The following MRE11 variants were observed in gnomAD, a reference collection of about 807,000 sequenced individuals.
The protein encoded by MRE11 is MRE11 double strand break repair nuclease, also known as double-strand break repair protein MRE11.
Under a neutral mutation model 91.7 loss-of-function variants are expected in MRE11, and 62 were observed. The ratio of observed to expected loss-of-function variants is 0.68; its 90% CI spans 0.55 to 0.84. The LOEUF is 0.84. Among genes scored for constraint, MRE11 ranks in the 40% least tolerant of loss-of-function variants. MRE11 has a pLI of 0.00. For missense variants in MRE11, 796 were observed against 852.9 expected, an observed-to-expected ratio of 0.93 and a Z score of 0.83; for synonymous variants, 273 against 271.4, an observed-to-expected ratio of 1.01 and a Z score of -0.06.
At position 94,418,924 on chromosome 11, in the gene MRE11, TATTCTAATG is replaced by T. The variant is rs763360963; in HGVS notation, c.*1192_*1200del. 3.9e-5 allele frequency: 9 copies of T among 231,022 alleles called. No homozygotes were observed. Among genetic ancestry groups the T allele is most frequent in the Non-Finnish European group, 6.9e-5 (8 of 116,742 alleles). 14.3% of individuals were successfully genotyped at this position (231,022 alleles called of 1,614,324 possible). On this transcript the variant is annotated 3_prime_UTR_variant, in exon 20 of 20. Transcript: ENST00000323929. ...TAATTTGACACATTCCAGGTATGACTATTCTAATGGTCATGAGTATCACTGAGTCAAGTA... is the reference window on the plus strand; with the variant it reads ...TAATTTGACACATTCCAGGTATGACTGTCATGAGTATCACTGAGTCAAGTA...
At chr11:94,435,689 C>G in intron 18 of MRE11, 143 bp downstream of exon 18, 1 of 691,278 alleles carries the variant, frequency 1.4e-6, no homozygotes, top group Non-Finnish European at 2.5e-6. Flanking sequence ...AGCCCTTGGT[C>G]TGTTTTCATT....
chr11:94,496,542 C>A, upstream of MRE11: 1 of 673,886 alleles, frequency 1.5e-6, no homozygotes, highest in African/African-American at 1.8e-5. Context: ...CAAGACTTAT[C>A]TATGCAGTTG....
rs1555005259 is a variant in MRE11 at position 94,447,215 on chromosome 11, T to C, written c.1783+4A>G. The C allele has an allele frequency of 6.2e-7, 1 of 1,611,490 alleles. No individual in the cohort carries two copies. The highest frequency in any genetic ancestry group is 8.5e-7 in the Non-Finnish European group (1 of 1,179,752). Reference sequence around the variant, plus strand: ...ATGTGCACAGGACTGAACTCAGTGCTCACCTCTTCCTCTTTGAGACCCTCC... The same window carrying C: ...ATGTGCACAGGACTGAACTCAGTGCCCACCTCTTCCTCTTTGAGACCCTCC... On this transcript the variant is annotated splice_donor_region_variant and intron_variant, in intron 15 of 19. Transcript: ENST00000323929.
At chr11:94,498,177 A>G, upstream of MRE11, 1 of 1,614,148 alleles carries the variant, frequency 6.2e-7, no homozygotes, top group Non-Finnish European at 8.5e-7. Context: ...GGACACTTAG[A>G]TATTGTTCAG....
chr11:94,442,090 CATT>C lies in MRE11; in HGVS notation c.1867+3717_1867+3719del, dbSNP rs200184555. On this transcript the variant is annotated intron_variant, in intron 16 of 19. Coordinates refer to ENST00000323929, the MANE Select transcript of MRE11 (RefSeq NM_005591.4). Reference sequence around the variant, plus strand: ...TGAGGAGAGAGTAAAGAGGTCTTATCATTATTTAACTGAAGACTCAGAAGGAGA... The same window carrying C: ...TGAGGAGAGAGTAAAGAGGTCTTATCATTTAACTGAAGACTCAGAAGGAGA... Among the ~76,000 whole-genome samples the C allele has an allele frequency of 2.9e-3, 438 of 150,750 alleles. 3 individuals are homozygous for C. The highest frequency in any genetic ancestry group is 0.01 in the African/African-American group (416 of 41,028).
chr11:94,498,231 A>C, upstream of MRE11: 15 of 1,614,144 alleles, frequency 9.3e-6, no homozygotes, highest in Non-Finnish European at 1.3e-5. Context: ...GTGACTGTGG[A>C]TGGCTGGACG....
At chr11:94,471,457 T>C (rs1316584185) in intron 8 of MRE11, 117 bp downstream of exon 8, 2 of 915,666 alleles carry the variant, frequency 2.2e-6, no homozygotes, top group African/African-American at 1.7e-5. Context: ...AAAGCTATCA[T>C]ATAAATGACA....
intron 4 of MRE11, among the ~76,000 whole-genome samples, chr11:94,480,611 G>T (rs1158767254): frequency 6.6e-6 from 1 of 152,244 alleles, no homozygotes; most frequent in Non-Finnish European, 1.5e-5. Flanking sequence ...GAAGGGAATT[G>T]TTAGGTCAAA....
rs536248655 is a variant in MRE11, at chr11:94,456,643, G to T, written c.1501-305C>A. Among the ~76,000 whole-genome samples, 5 of 152,212 alleles carry T rather than the reference G, an allele frequency of 3.3e-5. No individual in the cohort carries two copies. The East Asian group carries it at 9.7e-4, about 29-fold the overall frequency. ...AATACCCTATGGGTATTACACTTCA[G>T]TAAACTAGTTAAAAACAAAAATATC... is the stretch of plus-strand genomic sequence containing the variant. On this transcript the variant is annotated intron_variant, in intron 13 of 19. Coordinates refer to ENST00000323929, the MANE Select transcript of MRE11 (RefSeq NM_005591.4).
chr11:94,482,308 C>A (rs963541278), intron 4 of MRE11, among the ~76,000 whole-genome samples: 2 of 152,182 alleles, frequency 1.3e-5, no homozygotes, highest in Non-Finnish European at 2.9e-5. Context: ...AATTTTACAA[C>A]TACTAAATGA....
chr11:94,481,374 T>C (rs1411070227), intron 4 of MRE11, among the ~76,000 whole-genome samples: 1 of 152,216 alleles, frequency 6.6e-6, no homozygotes, highest in East Asian at 1.9e-4. Context: ...CCATATTCTT[T>C]ATTTATTACT....
the MRE11 span, among the ~76,000 whole-genome samples, chr11:94,503,190 T>C: frequency 6.6e-6 from 1 of 152,190 alleles, no homozygotes; most frequent in Non-Finnish European, 1.5e-5. Context: ...TCATCTCGTA[T>C]AACTAAAACT....
intron 14 of MRE11, among the ~76,000 whole-genome samples, chr11:94,453,498 A>G (rs1946168418): frequency 6.6e-6 from 1 of 152,158 alleles, no homozygotes; most frequent in Admixed American, 6.5e-5. Context: ...ATGGTGTTTT[A>G]ATAACAGCCA....
At chr11:94,501,508 A>T in the MRE11 span, among the ~76,000 whole-genome samples, 2 of 152,300 alleles carry the variant, frequency 1.3e-5, no homozygotes, top group Admixed American at 6.5e-5. Context: ...TATATTTAAA[A>T]TTTTTTGAGA....
At chr11:94,421,988 T>A (rs1945183727) in intron 19 of MRE11, among the ~76,000 whole-genome samples, 1 of 152,162 alleles carries the variant, frequency 6.6e-6, no homozygotes, top group Admixed American at 6.5e-5. Flanking sequence ...TTAATATGGA[T>A]CTATTTAACA....
intron 10 of MRE11, 63 bp from the exon 11 acceptor site, chr11:94,464,302 C>T (rs1946504558): frequency 4.4e-6 from 7 of 1,599,420 alleles, no homozygotes; most frequent in Admixed American, 1.7e-5. Flanking sequence ...TTAAAACACA[C>T]ACTAATCCTT....
intron 7 of MRE11, among the ~76,000 whole-genome samples, chr11:94,474,304 G>T (rs1565230788): frequency 6.6e-6 from 1 of 152,064 alleles, no homozygotes. Flanking sequence ...CTAAGGTCAT[G>T]ACCTCAAAAC....
At chr11:94,503,603 T>A in the MRE11 span, among the ~76,000 whole-genome samples, 1 of 151,604 alleles carries the variant, frequency 6.6e-6, no homozygotes, top group Non-Finnish European at 1.5e-5. Flanking sequence ...GGCAGGAGAA[T>A]TGCTTTTGCT....
At chr11:94,498,402 A>G (rs1259842851), upstream of MRE11, 3 of 1,613,490 alleles carry the variant, frequency 1.9e-6, no homozygotes, top group Admixed American at 3.3e-5. Context: ...CTCCTGATGA[A>G]CCGTTACGTC....
Sources: gnomAD v4.1 joint callset for allele counts (sites outside exome capture counted in the v4.1 genomes callset) on GRCh38, gnomAD v4.1.1 for gene constraint, MANE v1.5 for transcripts, NCBI Gene and HGNC (gene_info 2026-07-23, HGNC 2026-07-21) for gene names.